The following TAFA1 variants were observed in gnomAD, a reference collection of about 807,000 sequenced individuals.
TAFA1 encodes the protein TAFA chemokine like family member 1.
A neutral mutation model predicts 18.5 loss-of-function variants in TAFA1; 4 were observed. The observed-to-expected ratio is 0.22, with a 90% CI of 0.11 to 0.49. TAFA1 has a LOEUF of 0.49. Among genes scored for constraint, TAFA1 ranks in the 20% least tolerant of loss-of-function variants. The probability of loss-of-function intolerance (pLI) is 0.98; values close to 1 mark genes in which losing one functional copy is unlikely to be tolerated. For synonymous variants in TAFA1, 56 were observed against 55.2 expected (o/e 1.01, Z -0.06); for missense variants, 147 against 169.0 (o/e 0.87, Z 0.72).
intron 2 of TAFA1, among the ~76,000 whole-genome samples, chr3:68,118,712 C>T (rs917895770): frequency 6.6e-6 from 1 of 152,116 alleles, no homozygotes; most frequent in East Asian, 1.9e-4. Context: ...GATTTCCTTC[C>T]TTTTTTAGGC....
intron 3 of TAFA1, among the ~76,000 whole-genome samples, chr3:68,489,658 C>T (rs546725989): frequency 3.8e-4 from 58 of 152,226 alleles, no homozygotes; most frequent in East Asian, 2.1e-3. Context: ...GCTACAAAAG[C>T]GATGATAAGT....
At chr3:68,434,983 G>A (rs553500635) in intron 3 of TAFA1, among the ~76,000 whole-genome samples, 1 of 152,128 alleles carries the variant, frequency 6.6e-6, no homozygotes, top group Non-Finnish European at 1.5e-5. Flanking sequence ...CATGATTTCT[G>A]CTTCAATGAT....
At chr3:68,451,608 A>G (rs1410630758) in intron 3 of TAFA1, among the ~76,000 whole-genome samples, 1 of 152,186 alleles carries the variant, frequency 6.6e-6, no homozygotes, top group Non-Finnish European at 1.5e-5. Context: ...TTCTGAGCAC[A>G]AAAGAGGTTG....
intron 2 of TAFA1, among the ~76,000 whole-genome samples, chr3:68,153,741 G>A (rs572508873): frequency 1.7e-4 from 26 of 152,196 alleles, no homozygotes; most frequent in Middle Eastern, 3.4e-3. Context: ...TTCCTTGAGC[G>A]AGAGAACCCT....
In TAFA1 at chr3:68,479,241, A is replaced by ATATATATAT. The variant is rs1553695290; in HGVS notation, c.260-59515_260-59514insTATATATAT. Among the ~76,000 whole-genome samples, 238 of 123,624 alleles carry ATATATATAT rather than the reference A, an allele frequency of 1.9e-3. 1 individual carries two copies. The highest frequency in any genetic ancestry group is 7.9e-3 in the African/African-American group (218 of 27,722). 81.1% of individuals were successfully genotyped at this position (123,624 alleles called of 152,430 possible). A position where few individuals can be genotyped will look rare whatever the true frequency, so the allele number is the denominator to read the frequency against. The stretch of plus-strand genomic sequence containing the variant: ...TGAGACTCCATCTCAAAAAAAAAAA[A>ATATATATAT]ATATATATATATATATATATATGTC... On this transcript the variant is annotated intron_variant, in intron 3 of 4. Coordinates refer to ENST00000478136, the MANE Select transcript of TAFA1 (RefSeq NM_213609.4).
chr3:68,254,507 C>G (rs983656975), intron 2 of TAFA1, among the ~76,000 whole-genome samples: 1 of 152,006 alleles, frequency 6.6e-6, no homozygotes, highest in African/African-American at 2.4e-5. Flanking sequence ...AAATGAAACA[C>G]TTCCATATGG....
intron 4 of TAFA1, among the ~76,000 whole-genome samples, chr3:68,539,944 C>G (rs751306126): frequency 1.3e-5 from 2 of 151,984 alleles, no homozygotes; most frequent in African/African-American, 2.4e-5. Flanking sequence ...TTTTTTAAAG[C>G]AAGCTCCATC....
At chr3:68,400,740 A>G (rs1202372857) in intron 2 of TAFA1, among the ~76,000 whole-genome samples, 1 of 152,334 alleles carries the variant, frequency 6.6e-6, no homozygotes, top group African/African-American at 2.4e-5. Flanking sequence ...CATGGAAATT[A>G]CCTAATTAAT....
intron 4 of TAFA1, among the ~76,000 whole-genome samples, chr3:68,542,165 C>T (rs534483121): frequency 1.3e-5 from 2 of 152,132 alleles, no homozygotes; most frequent in African/African-American, 4.8e-5. Flanking sequence ...TGGATGCCAC[C>T]CTATAGAAAG....
rs528336902 is a variant in TAFA1 at position 68,176,260 on chromosome 3, T to A, written c.118+169516T>A. On this transcript the variant is annotated intron_variant, in intron 2 of 4. Transcript: ENST00000478136. Reference sequence around the variant, plus strand: ...ACATTGGGAGGTCAAGGTGGGAGAATTGTTTGAGGCCAGGAGTTTGAGACA... The same window carrying A: ...ACATTGGGAGGTCAAGGTGGGAGAAATGTTTGAGGCCAGGAGTTTGAGACA... Among the ~76,000 whole-genome samples, 22 of 152,266 alleles carry A rather than the reference T, an allele frequency of 1.4e-4. 1 individual carries two copies. Among genetic ancestry groups the A allele is most frequent in the African/African-American group, 4.3e-4 (18 of 41,560 alleles).
At chr3:68,012,499 C>G (rs972448371) in intron 2 of TAFA1, among the ~76,000 whole-genome samples, 2 of 152,132 alleles carry the variant, frequency 1.3e-5, no homozygotes, top group Non-Finnish European at 2.9e-5. Flanking sequence ...ACAGAATACT[C>G]TGCTTCAAAA....
At chr3:68,411,284 C>T (rs920880331) in intron 2 of TAFA1, among the ~76,000 whole-genome samples, 2 of 152,112 alleles carry the variant, frequency 1.3e-5, no homozygotes, top group Non-Finnish European at 2.9e-5. Context: ...GAATGTGGGA[C>T]GGTGTGTATT....
chr3:68,403,742 GT>G (rs2070541242), intron 2 of TAFA1, among the ~76,000 whole-genome samples: 1 of 152,210 alleles, frequency 6.6e-6, no homozygotes, highest in Admixed American at 6.5e-5. Context: ...TTATCTGGAT[GT>G]TTATGGAAAA....
intron 2 of TAFA1, among the ~76,000 whole-genome samples, chr3:68,372,678 GA>G (rs1332639362): frequency 2.6e-5 from 4 of 152,082 alleles, no homozygotes; most frequent in African/African-American, 7.2e-5. Context: ...AACTGAGCTG[GA>G]AAAACACAAT....
At chr3:68,297,261 C>A (rs948788404) in intron 2 of TAFA1, among the ~76,000 whole-genome samples, 4 of 152,150 alleles carry the variant, frequency 2.6e-5, no homozygotes, top group African/African-American at 9.7e-5. Context: ...TAGGGTATTT[C>A]TCTTCATTGG....
intron 2 of TAFA1, among the ~76,000 whole-genome samples, chr3:68,238,375 A>G (rs545816834): frequency 6.6e-6 from 1 of 152,306 alleles, no homozygotes; most frequent in East Asian, 1.9e-4. Flanking sequence ...GGTTACATGA[A>G]CTGAATAAAG....
chr3:68,291,010 A>G (rs907356156), intron 2 of TAFA1, among the ~76,000 whole-genome samples: 12 of 151,990 alleles, frequency 7.9e-5, no homozygotes, highest in Non-Finnish European at 1.8e-4. Flanking sequence ...AGAATGGGGG[A>G]AAATAACAGC....
intron 3 of TAFA1, among the ~76,000 whole-genome samples, chr3:68,465,074 C>T (rs895586287): frequency 2.0e-5 from 3 of 151,952 alleles, no homozygotes; most frequent in Non-Finnish European, 2.9e-5. Context: ...TTGGCTTAGG[C>T]GTGGGCATGT....
chr3:68,365,073 G>T (rs2069539962), intron 2 of TAFA1, among the ~76,000 whole-genome samples: 1 of 152,088 alleles, frequency 6.6e-6, no homozygotes, highest in African/African-American at 2.4e-5. Context: ...GGCACAGTTT[G>T]TTATATTAAT....
Sources: gnomAD v4.1 joint callset for allele counts (sites outside exome capture counted in the v4.1 genomes callset) on GRCh38, gnomAD v4.1.1 for gene constraint, MANE v1.5 for transcripts, NCBI Gene and HGNC (gene_info 2026-07-23, HGNC 2026-07-21) for gene names.